SGPL1: variants seen among roughly 807,000 people sequenced by gnomAD.
SGPL1 encodes SP-lyase 1.
A neutral mutation model predicts 68.9 loss-of-function variants in SGPL1; 37 were observed. That is an observed-to-expected ratio of 0.54 (90% CI 0.41 to 0.71). The LOEUF is 0.71. SGPL1 is among the 30% of genes least tolerant of loss of function. The pLI, the probability that SGPL1 is intolerant of heterozygous loss-of-function variation, is 0.00. For missense variants in SGPL1, 551 were observed against 704.6 expected (o/e 0.78, Z 2.47); for synonymous variants, 236 against 248.5 (o/e 0.95, Z 0.47).
At chr10:70,823,700 G>GAT (rs1380531243) in intron 2 of SGPL1, among the ~76,000 whole-genome samples, 3 of 147,636 alleles carry the variant, frequency 2.0e-5, no homozygotes, top group African/African-American at 4.9e-5. Flanking sequence ...TAGATATATA[G>GAT]ATATATATAT....
chr10:70,825,004 G>A (rs1406435055), intron 2 of SGPL1, among the ~76,000 whole-genome samples: 3 of 141,184 alleles, frequency 2.1e-5, no homozygotes, highest in African/African-American at 5.3e-5. Context: ...TTGCTCTGTC[G>A]CCCAGGCTAG....
intron 2 of SGPL1, among the ~76,000 whole-genome samples, chr10:70,836,816 T>C (rs1845634401): frequency 6.6e-6 from 1 of 152,068 alleles, no homozygotes; most frequent in Non-Finnish European, 1.5e-5. Flanking sequence ...GGTCTTGAAC[T>C]CCTGGCCTCA....
chr10:70,866,461 A>G (rs192156848), intron 7 of SGPL1: 7 of 152,360 alleles, frequency 4.6e-5, no homozygotes, highest in Admixed American at 2.6e-4. Flanking sequence ...TGGTGTTTGC[A>G]TAACAATGAT....
intron 2 of SGPL1, among the ~76,000 whole-genome samples, chr10:70,825,577 GCCACAGCT>G (rs1017094531): frequency 6.6e-6 from 1 of 152,188 alleles, no homozygotes; most frequent in Admixed American, 6.5e-5. Context: ...GCACACAGTT[GCCACAGCT>G]TTGGCAAGCC....
intron 3 of SGPL1, among the ~76,000 whole-genome samples, chr10:70,850,452 T>C (rs965036221): frequency 1.3e-5 from 2 of 152,206 alleles, no homozygotes; most frequent in Non-Finnish European, 2.9e-5. Flanking sequence ...AAGAGAAATG[T>C]TGAACATCTA....
At chr10:70,837,506 A>G (rs1213364542) in intron 2 of SGPL1, among the ~76,000 whole-genome samples, 1 of 152,194 alleles carries the variant, frequency 6.6e-6, no homozygotes, top group Non-Finnish European at 1.5e-5. Flanking sequence ...TTTAGAGGGA[A>G]GAGAAAGTTT....
intron 11 of SGPL1, among the ~76,000 whole-genome samples, chr10:70,872,629 T>C (rs889671305): frequency 3.3e-5 from 5 of 152,226 alleles, no homozygotes; most frequent in Non-Finnish European, 7.3e-5. Context: ...CAGAGCTTGT[T>C]TTAAACTCAA....
intron 2 of SGPL1, among the ~76,000 whole-genome samples, chr10:70,835,735 C>CAAAAAAAAAAAAAAAAAAAAAAAA (rs66962270): frequency 1.4e-4 from 10 of 70,154 alleles, no homozygotes; most frequent in African/African-American, 4.8e-4. Context: ...GACTCCGTCT[C>CAAAAAAAAAAAAAAAAAAAAAAAA]AAAAAAAAAA....
rs767637014 is a variant in SGPL1, at chr10:70,844,577, A to G, written c.132A>G (p.Ala44=). Residue 44 remains alanine (A), a synonymous_variant, in exon 3 of 15, where the codon GCA becomes GCG. Coordinates refer to ENST00000373202, the MANE Select transcript of SGPL1 (RefSeq NM_003901.4). ...AGTATGAGCCCTGGCAGCTAATTGC[A>G]TGGAGTGTCGTGTGGACCCTGCTGA... ...CTKYEPWQLI[A]WSVVWTLLIV... 4 of 1,614,070 alleles carry G rather than the reference A, an allele frequency of 2.5e-6. No individual in the cohort carries two copies. The highest frequency in any genetic ancestry group is 2.5e-6 in the Non-Finnish European group (3 of 1,180,028).
chr10:70,835,545 G>T (rs1311489047), intron 2 of SGPL1, among the ~76,000 whole-genome samples: 3 of 152,018 alleles, frequency 2.0e-5, no homozygotes, highest in Non-Finnish European at 4.4e-5. Flanking sequence ...GACCATCCTG[G>T]CTAACACGGT....
At chr10:70,836,110 T>C (rs1845624405) in intron 2 of SGPL1, among the ~76,000 whole-genome samples, 1 of 152,238 alleles carries the variant, frequency 6.6e-6, no homozygotes, top group African/African-American at 2.4e-5. Context: ...GCAGGGAATC[T>C]GTGTGCCTGT....
rs1846263446 is a variant in SGPL1, at chr10:70,869,980, G to C, written c.810+83G>C. On this transcript the variant is annotated intron_variant, in intron 9 of 14. Transcript: ENST00000373202. ...CCTGTTGACTAGCCGTTTCCAGTCA[G>C]ATGGGTCTGACTGCCTTTGATTGTG... The C allele has an allele frequency of 9.1e-6, 10 of 1,096,440 alleles. No homozygotes were observed. The East Asian group carries it at 2.2e-4, about 24-fold the overall frequency. 67.9% of individuals were successfully genotyped at this position (1,096,440 alleles called of 1,614,324 possible). A position where few individuals can be genotyped will look rare whatever the true frequency, so the allele number is the denominator to read the frequency against.
At chr10:70,867,332 G>T (rs926508213) in intron 7 of SGPL1, among the ~76,000 whole-genome samples, 16 of 152,198 alleles carry the variant, frequency 1.1e-4, no homozygotes, top group African/African-American at 3.6e-4. Context: ...GGAGGCTGAG[G>T]TGGGCAGATC....
In SGPL1 at chr10:70,859,598, T is replaced by A. The variant is rs1395413223; in HGVS notation, c.615+99T>A. On this transcript the variant is annotated intron_variant, in intron 7 of 14. Transcript: ENST00000373202. ...TTATATTTTAAAAAATAAAAAATATTAAAAATATTTTACTACACAAGAAAT... is the reference window on the plus strand; with the variant it reads ...TTATATTTTAAAAAATAAAAAATATAAAAAATATTTTACTACACAAGAAAT... 5.3e-6 allele frequency: 3 copies of A among 570,160 alleles called. No homozygotes were observed. The African/African-American group carries it at 6.1e-5, about 12-fold the overall frequency. The allele number at this position is 570,160 out of a possible 1,614,324, so 35.3% of individuals were successfully genotyped here.
chr10:70,857,695 G>C lies in SGPL1; in HGVS notation c.486+5G>C. 1.9e-6 allele frequency: 3 copies of C among 1,605,484 alleles called. No homozygotes were observed. Among genetic ancestry groups the C allele is most frequent in the Non-Finnish European group, 2.6e-6 (3 of 1,174,310 alleles). ...CTCACTGAGCTCCTTGTGAAGGTGA[G>C]TGTCCAGTTCTTGAGGGAAGCCTGT... is the stretch of plus-strand genomic sequence containing the variant. On this transcript the variant is annotated splice_donor_5th_base_variant and intron_variant, in intron 6 of 14. Transcript: ENST00000373202.
intron 7 of SGPL1, among the ~76,000 whole-genome samples, chr10:70,863,891 A>G (rs1431355147): frequency 6.6e-6 from 1 of 152,054 alleles, no homozygotes; most frequent in African/African-American, 2.4e-5. Context: ...GGCAGTCTCT[A>G]ATGTATCTTC....
chr10:70,826,271 A>G (rs921765786), intron 2 of SGPL1, among the ~76,000 whole-genome samples: 5 of 152,182 alleles, frequency 3.3e-5, no homozygotes, highest in Non-Finnish European at 7.4e-5. Context: ...ATACAATGCA[A>G]TGCCAGTACA....
At chr10:70,854,608 G>A in intron 4 of SGPL1, 100 bp from the exon 5 acceptor site, 1 of 942,614 alleles carries the variant, frequency 1.1e-6, no homozygotes, top group South Asian at 1.7e-5. Context: ...AGTTACTTGT[G>A]CGGTGCCTAG....
intron 8 of SGPL1, among the ~76,000 whole-genome samples, chr10:70,868,664 T>G (rs1180510669): frequency 7.1e-6 from 1 of 141,162 alleles, no homozygotes; most frequent in African/African-American, 2.6e-5. Flanking sequence ...CACCCCCAGA[T>G]CATGCATAGT....
Sources: gnomAD v4.1 joint callset for allele counts (sites outside exome capture counted in the v4.1 genomes callset) on GRCh38, gnomAD v4.1.1 for gene constraint, MANE v1.5 for transcripts, NCBI Gene and HGNC (gene_info 2026-07-23, HGNC 2026-07-21) for gene names.